The following ZNF44 variants were observed in gnomAD, a reference collection of about 807,000 sequenced individuals.
ZNF44 encodes zinc finger protein 44.
A neutral mutation model predicts 11.7 loss-of-function variants in ZNF44; 9 were observed. The observed-to-expected ratio is 0.77, with a 90% CI of 0.46 to 1.35. The LOEUF is 1.35. Ranked by LOEUF, ZNF44 falls within the 40% of genes most tolerant of loss-of-function variation. The pLI is 0.00. For missense variants in ZNF44, 696 were observed against 743.1 expected (o/e 0.94, Z 0.74); for synonymous variants, 224 against 242.7 (o/e 0.92, Z 0.72).
chr19:12,240,597 C>G (rs1256153619), upstream of ZNF44, among the ~76,000 whole-genome samples: 1 of 152,074 alleles, frequency 6.6e-6, no homozygotes, highest in Non-Finnish European at 1.5e-5. Context: ...CCACATGGTA[C>G]TGTGTAGGGA....
upstream of ZNF44, among the ~76,000 whole-genome samples, chr19:12,238,518 C>G (rs1207806210): frequency 6.6e-6 from 1 of 151,300 alleles, no homozygotes; most frequent in East Asian, 1.9e-4. Context: ...GTCAGAGCAG[C>G]TCGGGAGGTT....
intron 1 of ZNF44, among the ~76,000 whole-genome samples, chr19:12,288,805 T>TATATATATATATATATATATATA (rs1967879450): frequency 1.9e-5 from 2 of 104,396 alleles, no homozygotes; most frequent in African/African-American, 3.4e-5. Flanking sequence ...TATATATATA[T>TATATATATATATATATATATATA]GAAATCACCT....
chr19:12,281,017 C>G (rs1056116375), intron 1 of ZNF44, among the ~76,000 whole-genome samples: 2 of 152,154 alleles, frequency 1.3e-5, no homozygotes, highest in African/African-American at 4.8e-5. Context: ...AACAACTCAC[C>G]TCTATCAATA....
At chr19:12,266,484 T>A (rs893424838) in intron 5 of ZNF44, among the ~76,000 whole-genome samples, 1 of 152,104 alleles carries the variant, frequency 6.6e-6, no homozygotes. Context: ...GCACGCCTGA[T>A]TGGACTGTTG....
intron 1 of ZNF44, among the ~76,000 whole-genome samples, chr19:12,283,858 A>T (rs888825195): frequency 1.3e-5 from 2 of 152,174 alleles, no homozygotes; most frequent in Admixed American, 6.5e-5. Flanking sequence ...ACACAAAATT[A>T]AAAAATTAGC....
chr19:12,273,385 G>A lies in ZNF44; in HGVS notation c.870C>T (p.Phe290=). Residue 290 remains phenylalanine (F), a synonymous_variant, in exon 4 of 4, where the codon TTC becomes TTT. Transcript: ENST00000355684. ...GTACTCGAAGGGAACCGGAAACACT[G>A]AAGGCTTTCCCACATTGTTTACATT... ...PYKCKQCGKA[F]SVSGSLRVHE... 11 of 1,613,556 alleles carry A rather than the reference G, an allele frequency of 6.8e-6. No individual in the cohort carries two copies. Among genetic ancestry groups the A allele is most frequent in the Non-Finnish European group, 9.3e-6 (11 of 1,179,864 alleles).
chr19:12,235,950 A>T (rs1317747260), intron 1 of ZNF44, among the ~76,000 whole-genome samples: 1 of 152,198 alleles, frequency 6.6e-6, no homozygotes, highest in Non-Finnish European at 1.5e-5. Context: ...AAAGGAGGAG[A>T]GGCACAAAAG....
chr19:12,271,000 G>A (rs1049395506), downstream of ZNF44, among the ~76,000 whole-genome samples: 1 of 152,092 alleles, frequency 6.6e-6, no homozygotes, highest in Non-Finnish European at 1.5e-5. Flanking sequence ...GAAAGTTGGT[G>A]GAAAGGAAAC....
At position 12,271,902 on chromosome 19, in the gene ZNF44, A is replaced by T. The variant is rs1293651164; in HGVS notation, c.*505T>A. 6.6e-6 allele frequency: 1 copy of T among 152,338 alleles called. No homozygotes were observed. The highest frequency in any genetic ancestry group is 2.4e-5 in the African/African-American group (1 of 41,446). 9.4% of individuals were successfully genotyped at this position (152,338 alleles called of 1,614,324 possible). A position where few individuals can be genotyped will look rare whatever the true frequency, so the allele number is the denominator to read the frequency against. ...ACATGCGAATATTCCATTTTATAAAAGAGCTGGCATCTGTGGATTTAGGTA... is the reference window on the plus strand; with the variant it reads ...ACATGCGAATATTCCATTTTATAAATGAGCTGGCATCTGTGGATTTAGGTA... On this transcript the variant is annotated 3_prime_UTR_variant, in exon 4 of 4. Transcript: ENST00000355684.
chr19:12,267,194 A>G (rs1917768976), downstream of ZNF44, among the ~76,000 whole-genome samples: 2 of 151,796 alleles, frequency 1.3e-5, no homozygotes, highest in African/African-American at 4.8e-5. Context: ...ACAGGCACCC[A>G]CCACCACACC....
At position 12,232,804 on chromosome 19, in the gene ZNF44, A is replaced by G. The variant is rs186344347; in HGVS notation, n.380+1863T>C. Among the ~76,000 whole-genome samples the G allele has an allele frequency of 1.6e-4, 25 of 152,318 alleles. 1 individual carries two copies. Among genetic ancestry groups the G allele is most frequent in the African/African-American group, 5.5e-4 (23 of 41,574 alleles). ...CTTTTCCCCACACCATCAGCCAGCAATCAGTGCAGTTTAACATCTGAGGGC... is the reference window on the plus strand; with the variant it reads ...CTTTTCCCCACACCATCAGCCAGCAGTCAGTGCAGTTTAACATCTGAGGGC... On this transcript the variant is annotated intron_variant and non_coding_transcript_variant, in intron 2 of 3. Coordinates refer to the ZNF44 transcript ENST00000597563.
chr19:12,263,165 C>A (rs1425828424), intron 5 of ZNF44, among the ~76,000 whole-genome samples: 1 of 151,954 alleles, frequency 6.6e-6, no homozygotes, highest in Non-Finnish European at 1.5e-5. Flanking sequence ...CCGCTCACCG[C>A]AACCTCCATC....
chr19:12,251,813 G>A (rs570865818), intron 5 of ZNF44, among the ~76,000 whole-genome samples: 44 of 152,070 alleles, frequency 2.9e-4, no homozygotes, highest in African/African-American at 4.6e-4. Flanking sequence ...GCACTTTGGG[G>A]GGCCGAGGCA....
At chr19:12,247,462 T>A (rs749446208), downstream of ZNF44, 2 of 1,335,536 alleles carry the variant, frequency 1.5e-6, no homozygotes, top group African/African-American at 3.0e-5. Context: ...CCAGTATGAA[T>A]TCGTTCATGT....
At chr19:12,227,322 C>T (rs978741340) in intron 3 of ZNF44, among the ~76,000 whole-genome samples, 5 of 151,956 alleles carry the variant, frequency 3.3e-5, no homozygotes, top group East Asian at 1.9e-4. Flanking sequence ...TAGGATAGGC[C>T]GGGCGTGGTG....
chr19:12,269,375 A>C (rs1205674844), downstream of ZNF44, among the ~76,000 whole-genome samples: 3 of 152,116 alleles, frequency 2.0e-5, no homozygotes, highest in Non-Finnish European at 2.9e-5. Context: ...ATACAAAATT[A>C]GCCAGGCATG....
At chr19:12,259,371 G>T (rs893649109) in intron 5 of ZNF44, among the ~76,000 whole-genome samples, 1 of 152,134 alleles carries the variant, frequency 6.6e-6, no homozygotes, top group African/African-American at 2.4e-5. Context: ...ATGAGCCCTA[G>T]TATTAATCCC....
At chr19:12,265,933 G>C (rs901886170) in intron 5 of ZNF44, among the ~76,000 whole-genome samples, 2 of 152,174 alleles carry the variant, frequency 1.3e-5, no homozygotes, top group African/African-American at 4.8e-5. Context: ...GGTGCACGTC[G>C]TTTCGCTAAA....
At chr19:12,235,492 CTAGA>C (rs1242153104) in intron 1 of ZNF44, among the ~76,000 whole-genome samples, 1 of 152,158 alleles carries the variant, frequency 6.6e-6, no homozygotes, top group Non-Finnish European at 1.5e-5. Flanking sequence ...ACTGCCAAAA[CTAGA>C]TAGATACATT....
Sources: gnomAD v4.1 joint callset for allele counts (sites outside exome capture counted in the v4.1 genomes callset) on GRCh38, gnomAD v4.1.1 for gene constraint, MANE v1.5 for transcripts, NCBI Gene and HGNC (gene_info 2026-07-23, HGNC 2026-07-21) for gene names.